The following NUP205 variants were observed in gnomAD, a reference collection of about 807,000 sequenced individuals.
NUP205 encodes the protein nucleoporin 205.
NUP205 carries 76 observed loss-of-function variants against 253.8 expected under a neutral mutation model. The ratio of observed to expected loss-of-function variants is 0.30; its 90% CI spans 0.25 to 0.36. The LOEUF (loss-of-function observed/expected upper bound fraction) is 0.36, where lower values mean the gene tolerates loss of function less well. NUP205 is among the 10% of genes least tolerant of loss of function. The probability of loss-of-function intolerance (pLI) is 1.00; values close to 1 mark genes in which losing one functional copy is unlikely to be tolerated. For missense variants in NUP205, 2,162 were observed against 2,425.5 expected, an observed-to-expected ratio of 0.89 and a Z score of 2.28; for synonymous variants, 832 against 850.1, an observed-to-expected ratio of 0.98 and a Z score of 0.37.
intron 19 of NUP205, among the ~76,000 whole-genome samples, chr7:135,605,013 G>T (rs1049608672): frequency 2.6e-5 from 4 of 151,084 alleles, no homozygotes; most frequent in African/African-American, 4.9e-5. Flanking sequence ...TCATCCCATT[G>T]TATCTTTATG....
intron 31 of NUP205, 106 bp from the exon 32 acceptor site, chr7:135,625,058 G>GA (rs1161643276): frequency 3.2e-5 from 31 of 959,278 alleles, no homozygotes; most frequent in Middle Eastern, 5.6e-4. Flanking sequence ...TTCTCTTTAT[G>GA]AAAAACATTC....
chr7:135,597,317 T>C, intron 13 of NUP205, 51 bp from the exon 14 acceptor site: 3 of 1,329,294 alleles, frequency 2.3e-6, no homozygotes, highest in South Asian at 2.4e-5. Flanking sequence ...GCCACTAATA[T>C]TCATTGATGA....
At position 135,638,666 on chromosome 7, in the gene NUP205, G is replaced by A; in HGVS notation, c.5375G>A (p.Arg1792Lys). 6.2e-7 allele frequency: 1 copy of A among 1,614,142 alleles called. No individual in the cohort carries two copies. Among genetic ancestry groups the A allele is most frequent in the Non-Finnish European group, 8.5e-7 (1 of 1,180,030 alleles). The change falls in exon 38 of 43, where the codon AGA becomes AAA. Residue 1792 changes from arginine (R) to lysine (K), a missense_variant. By Grantham distance (26) the Arg-to-Lys change is conservative. Around this residue, in one of 5 missense-constraint regions of NUP205, gnomAD observed 1,144 missense variants for 1,280.9 expected, o/e 0.89. Transcript: ENST00000285968. ...CCTAGCCTTTCAGAAACAGTTAATA[G>A]AGATGGACCGCGGCAAGGTGAGCTT... is the stretch of plus-strand genomic sequence containing the variant. ...FTPSLSETVN[R>K]DGPRQDTQAP...
At chr7:135,638,432 A>T in intron 37 of NUP205, 125 bp from the exon 38 acceptor site, 1 of 845,264 alleles carries the variant, frequency 1.2e-6, no homozygotes, top group Non-Finnish European at 1.8e-6. Context: ...AAAAAAAAAA[A>T]GAATACACAG....
chr7:135,627,887 G>A lies in NUP205; in HGVS notation c.4794-86G>A, dbSNP rs958505601. The A allele has an allele frequency of 2.2e-6, 3 of 1,374,142 alleles. No individual in the cohort carries two copies. The African/African-American group carries it at 4.3e-5, about 19-fold the overall frequency. The allele number at this position is 1,374,142 out of a possible 1,614,324, so 85.1% of individuals were successfully genotyped here. A position where few individuals can be genotyped will look rare whatever the true frequency, so the allele number is the denominator to read the frequency against. ...ATTCACATCTTAATCAGCCGGCTCT[G>A]ATTTATTTGCCATATCAGTGTTAAG... On this transcript the variant is annotated intron_variant, in intron 33 of 42. Coordinates refer to ENST00000285968, the MANE Select transcript of NUP205 (RefSeq NM_015135.3).
chr7:135,589,247 A>G (rs1050930343), intron 10 of NUP205, among the ~76,000 whole-genome samples: 6 of 147,532 alleles, frequency 4.1e-5, no homozygotes, highest in Admixed American at 6.8e-5. Context: ...CTTTTATGCA[A>G]TGTGTGTGTG....
At chr7:135,637,364 T>G (rs1411697429) in intron 36 of NUP205, among the ~76,000 whole-genome samples, 1 of 152,260 alleles carries the variant, frequency 6.6e-6, no homozygotes, top group African/African-American at 2.4e-5. Flanking sequence ...AAGCTTGTCC[T>G]TTCTCTTTGA....
chr7:135,636,228 T>C (rs894554110), intron 36 of NUP205, among the ~76,000 whole-genome samples: 2 of 152,346 alleles, frequency 1.3e-5, no homozygotes, highest in East Asian at 3.9e-4. Flanking sequence ...TTACTTTGTA[T>C]TGACTGCAGA....
intron 22 of NUP205, among the ~76,000 whole-genome samples, chr7:135,611,166 C>T (rs573703379): frequency 2.0e-5 from 3 of 152,032 alleles, no homozygotes; most frequent in South Asian, 2.1e-4. Context: ...TGGGCCACCA[C>T]GCCTGGATAA....
chr7:135,604,205 G>A (rs1403865606), intron 18 of NUP205, 135 bp from the exon 19 acceptor site: 1 of 639,006 alleles, frequency 1.6e-6, no homozygotes, highest in African/African-American at 1.8e-5. Context: ...CTATTTAGAA[G>A]GGGACAGCTT....
intron 1 of NUP205, among the ~76,000 whole-genome samples, chr7:135,562,545 CT>C (rs34482653): frequency 2.7e-3 from 267 of 97,362 alleles, no homozygotes; most frequent in East Asian, 4.7e-3. Context: ...GACCAAAATC[CT>C]TTTTTTTTTT....
chr7:135,644,577 T>G (rs539485857), intron 39 of NUP205, among the ~76,000 whole-genome samples: 2 of 152,326 alleles, frequency 1.3e-5, no homozygotes, highest in South Asian at 2.1e-4. Flanking sequence ...TTGTTATAGC[T>G]ACTGTTTGAA....
chr7:135,625,391 A>G (rs756385301), intron 32 of NUP205, 36 bp downstream of exon 32: 1 of 1,494,416 alleles, frequency 6.7e-7, no homozygotes, highest in African/African-American at 1.4e-5. Context: ...TAGATCAAGA[A>G]GTCGTTTTCT....
At chr7:135,575,244 A>T (rs1167405081) in intron 3 of NUP205, among the ~76,000 whole-genome samples, 1 of 152,192 alleles carries the variant, frequency 6.6e-6, no homozygotes, top group African/African-American at 2.4e-5. Flanking sequence ...ATGGACCTTG[A>T]TTGTACAGAG....
intron 3 of NUP205, 102 bp downstream of exon 3, chr7:135,573,927 A>G: frequency 1.1e-6 from 1 of 935,038 alleles, no homozygotes; most frequent in Non-Finnish European, 1.6e-6. Context: ...ATAGTTTCTA[A>G]GGCTGCAGTT....
Position 135,617,137 on chromosome 7 carries a change from G to A in NUP205, c.3580G>A (p.Glu1194Lys). The part of the protein sequence containing the change: ...NILDSIDFSQ[E>K]IPEPLQLDFF... ...TCTTGACTCGATTGACTTCAGTCAG[G>A]AGATCCCTGAGCCTTTGCAGTTGGA... The change falls in exon 26 of 43, where the codon GAG becomes AAG. Residue 1194 changes from glutamate (E) to lysine (K), a missense_variant. Physicochemically the swap from Glu to Lys is moderately conservative, Grantham distance 56. This residue lies in a region of NUP205 where 1,144 missense variants were observed against 1,280.9 expected (regional missense o/e 0.89). Coordinates refer to ENST00000285968, the MANE Select transcript of NUP205 (RefSeq NM_015135.3). 4.3e-6 allele frequency: 7 copies of A among 1,613,658 alleles called. No individual in the cohort carries two copies. The highest frequency in any genetic ancestry group is 5.9e-6 in the Non-Finnish European group (7 of 1,179,728).
At chr7:135,634,840 CATT>C (rs1794778852) in intron 35 of NUP205, among the ~76,000 whole-genome samples, 1 of 152,044 alleles carries the variant, frequency 6.6e-6, no homozygotes, top group Non-Finnish European at 1.5e-5. Flanking sequence ...GAGGACTTGT[CATT>C]ATGAGGAGAG....
chr7:135,634,959 A>G (rs1794780776), intron 35 of NUP205, among the ~76,000 whole-genome samples: 1 of 152,186 alleles, frequency 6.6e-6, no homozygotes, highest in Non-Finnish European at 1.5e-5. Context: ...TGGCTAGGAT[A>G]GGTTTAGGTG....
At chr7:135,572,953 T>C (rs1806041601) in intron 2 of NUP205, among the ~76,000 whole-genome samples, 1 of 148,692 alleles carries the variant, frequency 6.7e-6, no homozygotes, top group Non-Finnish European at 1.5e-5. Flanking sequence ...TTTTTTTTTT[T>C]TTTCTTTTTT....
Sources: allele counts gnomAD v4.1 joint callset (sites outside exome capture counted in the v4.1 genomes callset), GRCh38; gene constraint gnomAD v4.1.1; regional missense constraint gnomAD v4.1.1; transcripts MANE v1.5; gene names NCBI Gene and HGNC (gene_info 2026-07-23, HGNC 2026-07-21).